Variants in GALNT8 observed in about 807,000 individuals in gnomAD.
The protein encoded by GALNT8 is probable polypeptide N-acetylgalactosaminyltransferase 8.
A neutral mutation model predicts 62.7 loss-of-function variants in GALNT8; 66 were observed. That is an observed-to-expected ratio of 1.05 (90% CI 0.86 to 1.29). GALNT8 has a LOEUF of 1.29. Ranked by LOEUF, GALNT8 falls within the 50% of genes most tolerant of loss-of-function variation. The pLI is 0.00. For synonymous variants in GALNT8, 288 were observed against 294.3 expected (o/e 0.98, Z 0.22); for missense variants, 771 against 791.8 (o/e 0.97, Z 0.32).
At chr12:4,745,828 G>T (rs1378827354) in intron 5 of GALNT8, among the ~76,000 whole-genome samples, 1 of 152,072 alleles carries the variant, frequency 6.6e-6, no homozygotes, top group African/African-American at 2.4e-5. Context: ...GGATATTTAG[G>T]GACTTTCAGA....
rs1242484217 is a variant in GALNT8, at chr12:4,726,489, G to T, written c.212-43G>T. On this transcript the variant is annotated intron_variant, in intron 1 of 10. Coordinates refer to ENST00000252318, the MANE Select transcript of GALNT8 (RefSeq NM_017417.2). This position sits in a 1 kb window ranked among gnomAD's most constrained non-coding sequence, Gnocchi z 4.1. ...GGAATACCCAGGTAACTAAGGAGGG[G>T]CTGAAATGTTTTCTCTCCCACCCCT... is the stretch of plus-strand genomic sequence containing the variant. 2 of 1,432,324 alleles carry T rather than the reference G, an allele frequency of 1.4e-6. No homozygotes were observed. The highest frequency in any genetic ancestry group is 1.4e-5 in the African/African-American group (1 of 70,518). The allele number at this position is 1,432,324 out of a possible 1,614,324, so 88.7% of individuals were successfully genotyped here. A position where few individuals can be genotyped will look rare whatever the true frequency, so the allele number is the denominator to read the frequency against.
chr12:4,758,606 CTG>C (rs67025688), intron 6 of GALNT8, among the ~76,000 whole-genome samples: 11,166 of 112,534 alleles, frequency 0.099, 511 homozygotes, highest in East Asian at 0.18. Context: ...CTTAATGTCT[CTG>C]TGTGTGTGTG....
At chr12:4,771,426 G>C (rs953914156) in intron 10 of GALNT8, among the ~76,000 whole-genome samples, 1 of 152,136 alleles carries the variant, frequency 6.6e-6, no homozygotes, top group Non-Finnish European at 1.5e-5. Context: ...GCAAATTTTG[G>C]GGGGAGCAAG....
intron 3 of GALNT8, among the ~76,000 whole-genome samples, chr12:4,741,208 G>A (rs1946270683): frequency 6.6e-6 from 1 of 152,024 alleles, no homozygotes; most frequent in African/African-American, 2.4e-5. Context: ...TTCTTTTTTA[G>A]ACTTCCACAC....
chr12:4,744,672 G>A lies in GALNT8; in HGVS notation c.832G>A (p.Asp278Asn). Reference sequence around the variant, plus strand: ...CACAGCAGACGTGGTCGCCATCTTGGATGCTCACATTGAAGTCAATGTTGG... The same window carrying A: ...CACAGCAGACGTGGTCGCCATCTTGAATGCTCACATTGAAGTCAATGTTGG... Reference protein sequence around the residue: ...AATADVVAILDAHIEVNVGWA... With the variant: ...AATADVVAILNAHIEVNVGWA... The change falls in exon 4 of 11, where the codon GAT (aspartate) becomes AAT (asparagine). Residue 278 changes from aspartate (D) to asparagine (N), a missense_variant. Asp to Asn is a conservative substitution (Grantham distance 23). Transcript: ENST00000252318. 6.2e-7 allele frequency: 1 copy of A among 1,612,872 alleles called. No individual in the cohort carries two copies. The highest frequency in any genetic ancestry group is 8.5e-7 in the Non-Finnish European group (1 of 1,179,610).
At chr12:4,771,424 T>TG (rs1565391861) in intron 10 of GALNT8, among the ~76,000 whole-genome samples, 1 of 151,472 alleles carries the variant, frequency 6.6e-6, no homozygotes, top group African/African-American at 2.4e-5. Context: ...AGGCAAATTT[T>TG]GGGGGGAGCA....
At chr12:4,739,785 C>T (rs1304326625) in intron 3 of GALNT8, among the ~76,000 whole-genome samples, 1 of 152,000 alleles carries the variant, frequency 6.6e-6, no homozygotes, top group Non-Finnish European at 1.5e-5. Flanking sequence ...CTGCCTCAGC[C>T]TCCCGAGTAG....
intron 10 of GALNT8, among the ~76,000 whole-genome samples, chr12:4,770,090 T>G (rs113275523): frequency 6.6e-6 from 1 of 151,580 alleles, no homozygotes; most frequent in Admixed American, 6.6e-5. Context: ...TGAACTGAGG[T>G]CAGGAGTTTG....
intron 10 of GALNT8, among the ~76,000 whole-genome samples, chr12:4,766,022 C>G (rs377722062): frequency 2.6e-5 from 4 of 152,352 alleles, no homozygotes; most frequent in African/African-American, 9.6e-5. Flanking sequence ...CCGCCCGACT[C>G]AGCCTCCCAA....
chr12:4,729,228 A>T (rs1244565825), intron 2 of GALNT8, among the ~76,000 whole-genome samples: 1 of 152,198 alleles, frequency 6.6e-6, no homozygotes, highest in Non-Finnish European at 1.5e-5. Flanking sequence ...GGAATGGCTA[A>T]TATATATCTA....
intron 2 of GALNT8, among the ~76,000 whole-genome samples, chr12:4,732,280 C>G (rs113967686): frequency 1.3e-5 from 2 of 152,190 alleles, no homozygotes; most frequent in African/African-American, 4.8e-5. Flanking sequence ...TAGAACTTAC[C>G]TTATGTCCTT....
intron 6 of GALNT8, among the ~76,000 whole-genome samples, chr12:4,755,870 G>A (rs962799698): frequency 1.3e-5 from 2 of 152,338 alleles, no homozygotes; most frequent in African/African-American, 4.8e-5. Flanking sequence ...CAGATTTGCA[G>A]ATCCAGCTGG....
intron 1 of GALNT8, among the ~76,000 whole-genome samples, chr12:4,721,597 G>C (rs145471067): frequency 6.6e-6 from 1 of 152,064 alleles, no homozygotes; most frequent in Non-Finnish European, 1.5e-5. Flanking sequence ...ATTGCTGCCC[G>C]CATGTCCCAC....
chr12:4,772,096 G>T (rs1216372316), intron 10 of GALNT8, among the ~76,000 whole-genome samples: 2 of 152,192 alleles, frequency 1.3e-5, no homozygotes, highest in Non-Finnish European at 2.9e-5. Flanking sequence ...GGGGTCAGGG[G>T]TGAGGACGTG....
chr12:4,724,166 A>T (rs971547452), intron 1 of GALNT8, among the ~76,000 whole-genome samples: 4 of 151,594 alleles, frequency 2.6e-5, no homozygotes, highest in Admixed American at 2.0e-4. Flanking sequence ...AAAAAAAAAA[A>T]AAAAAAAAAT....
At chr12:4,771,475 G>T (rs939319588) in intron 10 of GALNT8, among the ~76,000 whole-genome samples, 6 of 152,130 alleles carry the variant, frequency 3.9e-5, no homozygotes, top group Admixed American at 3.3e-4. Context: ...GAGATGAGAG[G>T]CAGGGAGGTG....
chr12:4,771,009 A>C (rs887162373), intron 10 of GALNT8, among the ~76,000 whole-genome samples: 2 of 152,118 alleles, frequency 1.3e-5, no homozygotes, highest in Non-Finnish European at 2.9e-5. Flanking sequence ...TGAGGCGGGC[A>C]TGGGGCCGCT....
intron 6 of GALNT8, among the ~76,000 whole-genome samples, chr12:4,758,629 TGTGTGTGTGAGA>T (rs1339998002): frequency 0.01 from 1,078 of 104,310 alleles, 9 homozygotes; most frequent in African/African-American, 0.028. Flanking sequence ...TGTGTGTGTG[TGTGTGTGTGAGA>T]GAGAGAGAGA....
intron 1 of GALNT8, among the ~76,000 whole-genome samples, chr12:4,723,392 A>G (rs1946179834): frequency 6.6e-6 from 1 of 152,126 alleles, no homozygotes; most frequent in Non-Finnish European, 1.5e-5. Context: ...ATGCCTGTGT[A>G]CCTAGGGTGG....
Sources: gnomAD v4.1 joint callset for allele counts (sites outside exome capture counted in the v4.1 genomes callset) on GRCh38, gnomAD v4.1.1 for gene constraint, Gnocchi (gnomAD v3.1) non-coding constraint, MANE v1.5 for transcripts, NCBI Gene and HGNC (gene_info 2026-07-23, HGNC 2026-07-21) for gene names.